The following MYH10 variants were observed in gnomAD, a reference collection of about 807,000 sequenced individuals.
MYH10 encodes myosin heavy chain 10.
Under a neutral mutation model 257.8 loss-of-function variants are expected in MYH10, and 55 were observed. That is an observed-to-expected ratio of 0.21 (90% CI 0.17 to 0.27). The LOEUF (loss-of-function observed/expected upper bound fraction) is 0.27. Ranked by LOEUF, MYH10 falls within the 10% of genes least tolerant of loss-of-function variation. The probability of loss-of-function intolerance (pLI) is 1.00; values close to 1 mark genes in which losing one functional copy is unlikely to be tolerated. For missense variants in MYH10, 1,631 were observed against 2,500.6 expected (o/e 0.65, Z 7.42); for synonymous variants, 854 against 921.7 (o/e 0.93, Z 1.33).
chr17:8,501,122 A>G, intron 28 of MYH10, 152 bp from the exon 29 acceptor site: 2 of 844,220 alleles, frequency 2.4e-6, no homozygotes, highest in Non-Finnish European at 3.6e-6. Flanking sequence ...TGGCAGGTCT[A>G]TTACTGTGAT....
chr17:8,591,654 C>T (rs1221558355), intron 3 of MYH10, among the ~76,000 whole-genome samples: 1 of 152,126 alleles, frequency 6.6e-6, no homozygotes, highest in Non-Finnish European at 1.5e-5. Context: ...GAATTGCCTC[C>T]TAATTCATTC....
chr17:8,584,563 G>A (rs950518167), intron 4 of MYH10, among the ~76,000 whole-genome samples: 2 of 152,150 alleles, frequency 1.3e-5, no homozygotes, highest in Non-Finnish European at 2.9e-5. Context: ...GAACCACAGG[G>A]GTGAGTTATA....
intron 26 of MYH10, among the ~76,000 whole-genome samples, chr17:8,508,142 A>G (rs8066003): frequency 0.41 from 61,673 of 151,872 alleles, 12,510 homozygotes; most frequent in East Asian, 0.5. Flanking sequence ...CCTGGGCACA[A>G]GCAATTCTGC....
intron 31 of MYH10, among the ~76,000 whole-genome samples, chr17:8,494,756 T>C (rs934096686): frequency 2.0e-5 from 3 of 152,232 alleles, no homozygotes; most frequent in African/African-American, 7.2e-5. Context: ...TTTTACAAAA[T>C]GGACTGTTTC....
Position 8,480,157 on chromosome 17 carries a change from C to T in MYH10, c.5550G>A (p.Leu1850=), listed in dbSNP as rs1327245778. The T allele has an allele frequency of 9.3e-6, 15 of 1,614,190 alleles. No individual in the cohort carries two copies. The highest frequency in any genetic ancestry group is 1.3e-5 in the Non-Finnish European group (15 of 1,180,042). ...CCTCCAGCTGCCCAATCTTGGCCTCCAGGGCTGAGATGGTGGCCTTGAACT... is the reference window on the plus strand; with the variant it reads ...CCTCCAGCTGCCCAATCTTGGCCTCTAGGGCTGAGATGGTGGCCTTGAACT... ...KSKFKATISA[L]EAKIGQLEEQ... The change falls in exon 40 of 43, where the codon CTG becomes CTA. Residue 1850 remains leucine, a synonymous_variant. Coordinates refer to ENST00000360416, the MANE Select transcript of MYH10 (RefSeq NM_001256012.3).
At chr17:8,511,048 ATATATATATAT>A (rs1458019548) in intron 24 of MYH10, 3 of 114,382 alleles carry the variant, frequency 2.6e-5, no homozygotes, top group African/African-American at 1.2e-4. Flanking sequence ...ATATATATAT[ATATATATATAT>A]ACACACATAC....
intron 40 of MYH10, among the ~76,000 whole-genome samples, chr17:8,478,791 C>T (rs1368936740): frequency 2.6e-5 from 4 of 152,176 alleles, no homozygotes; most frequent in African/African-American, 9.7e-5. Context: ...GGTGCAGTGG[C>T]GCCATCTCTG....
chr17:8,487,929 G>A (rs1915148819), intron 35 of MYH10, among the ~76,000 whole-genome samples: 1 of 152,196 alleles, frequency 6.6e-6, no homozygotes, highest in South Asian at 2.1e-4. Flanking sequence ...AAAGGCTGGG[G>A]TAGGCACAGA....
intron 4 of MYH10, among the ~76,000 whole-genome samples, chr17:8,580,428 C>T (rs1326747741): frequency 1.3e-5 from 2 of 149,554 alleles, no homozygotes; most frequent in Non-Finnish European, 3.0e-5. Context: ...GAAATGATGT[C>T]TTCATCCCTG....
At chr17:8,478,199 A>G in intron 41 of MYH10, 139 bp downstream of exon 41, 3 of 725,540 alleles carry the variant, frequency 4.1e-6, no homozygotes, top group Non-Finnish European at 6.9e-6. Flanking sequence ...AGTGCCCACC[A>G]GGAACATGGA....
Position 8,499,379 on chromosome 17 carries a change from G to A in MYH10, c.3842C>T (p.Ser1281Phe). 1 of 1,614,174 alleles carries A rather than the reference G, an allele frequency of 6.2e-7. No homozygotes were observed. Among genetic ancestry groups the A allele is most frequent in the Non-Finnish European group, 8.5e-7 (1 of 1,180,038 alleles). Reference sequence around the variant, plus strand: ...GTCGAGCTTCTTCCTCTTGTGCTCAGACTCAGCCTTGACCTGCTGCAGGAC... The same window carrying A: ...GTCGAGCTTCTTCCTCTTGTGCTCAAACTCAGCCTTGACCTGCTGCAGGAC... ...VKVLQQVKAESEHKRKKLDAQ... is the reference protein window; with the variant it reads ...VKVLQQVKAEFEHKRKKLDAQ... Residue 1281 changes from serine to phenylalanine, a missense_variant, in exon 30 of 43, where the codon TCT (serine) becomes TTT (phenylalanine). Physicochemically the swap from Ser to Phe is radical, Grantham distance 155. Around this residue, in one of 11 missense-constraint regions of MYH10, gnomAD observed 463 missense variants for 621.8 expected, o/e 0.74. Transcript: ENST00000360416.
rs1442901185 is a variant in MYH10, at chr17:8,552,474, G to C, written c.821-330C>G. Among the ~76,000 whole-genome samples the C allele has an allele frequency of 1.3e-5, 2 of 152,220 alleles. No individual in the cohort carries two copies. The highest frequency in any genetic ancestry group is 2.9e-5 in the Non-Finnish European group (2 of 68,038). ...AGAATACCACACTATACGAGGAACT[G>C]TAAGAAGCTATTGAAAATGAAGTAC... On this transcript the variant is annotated intron_variant, in intron 8 of 42. Coordinates refer to ENST00000360416, the MANE Select transcript of MYH10 (RefSeq NM_001256012.3). The surrounding 1 kb of genome is among the most constrained non-coding windows in gnomAD (Gnocchi z 4.8).
chr17:8,538,703 A>G (rs1349542408), intron 14 of MYH10, among the ~76,000 whole-genome samples: 3 of 152,222 alleles, frequency 2.0e-5, no homozygotes, highest in Non-Finnish European at 4.4e-5. Flanking sequence ...TAGAAGTGCC[A>G]GTACAAAGAG....
At chr17:8,498,801 T>C (rs1917080077) in intron 30 of MYH10, among the ~76,000 whole-genome samples, 1 of 151,998 alleles carries the variant, frequency 6.6e-6, no homozygotes, top group African/African-American at 2.4e-5. Context: ...TGAGCAGAGA[T>C]TGCGCCACTG....
intron 37 of MYH10, among the ~76,000 whole-genome samples, chr17:8,481,741 A>G (rs1485818450): frequency 6.6e-6 from 1 of 152,208 alleles, no homozygotes; most frequent in Non-Finnish European, 1.5e-5. Flanking sequence ...CATGAACTTT[A>G]TATAAACCCT....
intron 32 of MYH10, among the ~76,000 whole-genome samples, chr17:8,493,277 G>A (rs979854215): frequency 5.9e-5 from 9 of 151,888 alleles, no homozygotes; most frequent in Non-Finnish European, 8.8e-5. Flanking sequence ...CCAGGAGGTG[G>A]AGGCTGCAGT....
intron 2 of MYH10, among the ~76,000 whole-genome samples, chr17:8,605,546 C>T (rs2152076604): frequency 6.6e-6 from 1 of 152,244 alleles, no homozygotes; most frequent in African/African-American, 2.4e-5. Context: ...GAGTTCAAGA[C>T]TAGCCTGGCC....
At position 8,475,934 on chromosome 17, in the gene MYH10, A is replaced by C; in HGVS notation, c.5894T>G (p.Ile1965Ser). 6.2e-7 allele frequency: 1 copy of C among 1,613,706 alleles called. No homozygotes were observed. ...GCCAGATCGGCTGGAAGAGAAGCTG[A>C]TGGGGCCACCCCGCCTGGAGAACAC... Reference protein sequence around the residue: ...LKNRLRRGGPISFSSSRSGRR... With the variant: ...LKNRLRRGGPSSFSSSRSGRR... Residue 1965 changes from isoleucine to serine, a missense_variant, in exon 43 of 43, where the codon ATC becomes AGC. By Grantham distance (142) the Ile-to-Ser change is moderately radical (BLOSUM62 -2). Coordinates refer to ENST00000360416, the MANE Select transcript of MYH10 (RefSeq NM_001256012.3).
Position 8,548,232 on chromosome 17 carries a change from T to G in MYH10, c.1159+81A>C. ...CCTTCAGAAATGCTTCAGAGGTGCT[T>G]TTACGCTTGCACTGTAACACCTTCT... On this transcript the variant is annotated intron_variant, in intron 11 of 42. Coordinates refer to ENST00000360416, the MANE Select transcript of MYH10 (RefSeq NM_001256012.3). The G allele has an allele frequency of 6.6e-6, 7 of 1,063,776 alleles. 1 individual carries two copies. Among genetic ancestry groups the G allele is most frequent in the Non-Finnish European group, 8.4e-6 (6 of 718,226 alleles). The allele number at this position is 1,063,776 out of a possible 1,614,324, so 65.9% of individuals were successfully genotyped here. A position where few individuals can be genotyped will look rare whatever the true frequency, so the allele number is the denominator to read the frequency against.
Sources: allele counts gnomAD v4.1 joint callset (sites outside exome capture counted in the v4.1 genomes callset), GRCh38; gene constraint gnomAD v4.1.1; regional missense constraint gnomAD v4.1.1; non-coding constraint Gnocchi (gnomAD v3.1); transcripts MANE v1.5; gene names NCBI Gene and HGNC (gene_info 2026-07-23, HGNC 2026-07-21).